The following ST6GAL1 variants were observed in gnomAD, a reference collection of about 807,000 sequenced individuals.
ST6GAL1 encodes ST6 beta-galactoside alpha-2,6-sialyltransferase 1.
In ST6GAL1, 20 loss-of-function variants were observed where a neutral mutation model predicts 38.0. The ratio of observed to expected loss-of-function variants is 0.53; its 90% confidence interval spans 0.37 to 0.77. ST6GAL1 has a LOEUF of 0.77. Ranked by LOEUF, ST6GAL1 falls within the 30% of genes least tolerant of loss-of-function variation. ST6GAL1 has a pLI of 0.00. For missense variants in ST6GAL1, 432 were observed against 496.4 expected (o/e 0.87, Z 1.23); for synonymous variants, 196 against 188.2 (o/e 1.04, Z -0.34).
intron 2 of ST6GAL1, among the ~76,000 whole-genome samples, chr3:187,022,781 T>G (rs556044024): frequency 6.6e-6 from 1 of 152,340 alleles, no homozygotes; most frequent in Admixed American, 6.5e-5. Context: ...TTAATTTCCT[T>G]CAGAGTCTGC....
intron 4 of ST6GAL1, among the ~76,000 whole-genome samples, chr3:187,044,351 T>C (rs1341612584): frequency 2.0e-5 from 3 of 152,230 alleles, no homozygotes; most frequent in African/African-American, 7.2e-5. Context: ...TCCTTTTTTA[T>C]TTCCTTCATT....
intron 5 of ST6GAL1, 169 bp from the exon 6 acceptor site, chr3:187,072,680 G>T: frequency 1.4e-6 from 1 of 693,812 alleles, no homozygotes; most frequent in Admixed American, 1.8e-5. Context: ...CACAGTGCAG[G>T]CTGGTATCTT....
chr3:187,072,794 G>A, intron 5 of ST6GAL1, 55 bp from the exon 6 acceptor site: 1 of 1,488,424 alleles, frequency 6.7e-7, no homozygotes. Flanking sequence ...ATTACTTCAT[G>A]TCAAACATTT....
intron 2 of ST6GAL1, among the ~76,000 whole-genome samples, chr3:186,984,358 C>T (rs73187790): frequency 0.12 from 18,339 of 152,130 alleles, 1,211 homozygotes; most frequent in East Asian, 0.24. Context: ...CTGGTTGTTC[C>T]TCTGCTCAGC....
At chr3:186,995,757 T>C (rs1171063363) in intron 2 of ST6GAL1, among the ~76,000 whole-genome samples, 2 of 152,058 alleles carry the variant, frequency 1.3e-5, no homozygotes, top group Non-Finnish European at 2.9e-5. Context: ...GGCAGGAGAA[T>C]AGCTTGAGCC....
At chr3:186,935,520 G>T (rs1713919591) in intron 1 of ST6GAL1, among the ~76,000 whole-genome samples, 1 of 152,168 alleles carries the variant, frequency 6.6e-6, no homozygotes, top group Non-Finnish European at 1.5e-5. Context: ...TATTTACTCA[G>T]TAATGGGATT....
At chr3:187,054,630 G>T (rs1016019105) in intron 5 of ST6GAL1, among the ~76,000 whole-genome samples, 2 of 152,160 alleles carry the variant, frequency 1.3e-5, no homozygotes, top group African/African-American at 4.8e-5. Flanking sequence ...AACCAGCCTT[G>T]CATTCCAGGG....
chr3:186,979,077 C>T (rs570089481), intron 2 of ST6GAL1, among the ~76,000 whole-genome samples: 5 of 152,162 alleles, frequency 3.3e-5, no homozygotes, highest in Admixed American at 6.5e-5. Flanking sequence ...ACCTCAGCAG[C>T]AGGAGCTGGG....
intron 2 of ST6GAL1, among the ~76,000 whole-genome samples, chr3:186,988,262 T>G (rs983998774): frequency 3.9e-5 from 6 of 152,140 alleles, no homozygotes; most frequent in Non-Finnish European, 8.8e-5. Context: ...GGTTTACACG[T>G]AGGGCTTCTG....
intron 5 of ST6GAL1, among the ~76,000 whole-genome samples, chr3:187,062,574 TCACACACACACACA>T (rs57175575): frequency 5.6e-5 from 8 of 143,812 alleles, no homozygotes; most frequent in African/African-American, 2.0e-4. Context: ...AATAAGCCAG[TCACACACACACACA>T]CACACACACA....
rs138756236 is a variant in ST6GAL1, at chr3:186,960,082, G to T, written c.-324-3703G>T. ...TTGGCTCAATTTATGAACTTCTTTG[G>T]GTTCCTTGGTTCCTGGTGAGCTCTC... On this transcript the variant is annotated intron_variant, in intron 1 of 7. Coordinates refer to ENST00000169298, the MANE Select transcript of ST6GAL1 (RefSeq NM_173216.2). Among the ~76,000 whole-genome samples, 6 of 152,240 alleles carry T rather than the reference G, an allele frequency of 3.9e-5. No individual in the cohort carries two copies. The East Asian group carries it at 1.2e-3, about 29-fold the overall frequency.
chr3:187,038,372 A>AT lies in ST6GAL1; in HGVS notation c.-182-360dup, dbSNP rs534194969. On this transcript the variant is annotated intron_variant, in intron 2 of 7. Transcript: ENST00000169298. The stretch of plus-strand genomic sequence containing the variant: ...CGGTGTGCGCCATCATGCCTGGCTA[A>AT]TTTTTTTTTTGTATTTTAGTAGAGA... The AT allele has an allele frequency of 6.0e-3, 879 of 147,446 alleles. 13 individuals are homozygous for AT. The highest frequency in any genetic ancestry group is 0.046 in the East Asian group (235 of 5,084). 9.1% of individuals were successfully genotyped at this position (147,446 alleles called of 1,614,324 possible).
At chr3:187,000,477 G>A (rs893912172) in intron 2 of ST6GAL1, among the ~76,000 whole-genome samples, 7 of 151,998 alleles carry the variant, frequency 4.6e-5, no homozygotes, top group African/African-American at 1.7e-4. Flanking sequence ...CAGGAGAATC[G>A]CTTGAACCCG....
intron 2 of ST6GAL1, among the ~76,000 whole-genome samples, chr3:187,022,437 C>G (rs956551297): frequency 1.3e-5 from 2 of 152,210 alleles, no homozygotes; most frequent in East Asian, 1.9e-4. Context: ...CTAACAGTAG[C>G]TGAGAGAGTC....
At chr3:187,051,181 T>A in intron 4 of ST6GAL1, 68 bp from the exon 5 acceptor site, 2 of 1,334,552 alleles carry the variant, frequency 1.5e-6, no homozygotes, top group Non-Finnish European at 2.2e-6. Context: ...CCCCCGCCTC[T>A]CGTCTTTCTC....
intron 2 of ST6GAL1, among the ~76,000 whole-genome samples, chr3:186,997,871 A>T (rs1256159757): frequency 6.6e-6 from 1 of 152,228 alleles, no homozygotes; most frequent in African/African-American, 2.4e-5. Context: ...GTTCTCAGCC[A>T]GTGCTATCTA....
chr3:186,947,278 C>T (rs185041777), intron 1 of ST6GAL1, among the ~76,000 whole-genome samples: 1 of 152,238 alleles, frequency 6.6e-6, no homozygotes, highest in Admixed American at 6.5e-5. Flanking sequence ...GAGATCTGTG[C>T]TTGCTTCAGC....
At chr3:186,981,629 G>A (rs961256868) in intron 2 of ST6GAL1, among the ~76,000 whole-genome samples, 1 of 152,080 alleles carries the variant, frequency 6.6e-6, no homozygotes, top group African/African-American at 2.4e-5. Flanking sequence ...AGCATTCCAA[G>A]TCTTATCTTA....
chr3:186,996,499 C>T (rs1035736069), intron 2 of ST6GAL1: 1 of 152,206 alleles, frequency 6.6e-6, no homozygotes, highest in Non-Finnish European at 1.5e-5. Flanking sequence ...GGAGCTTCTT[C>T]TCTCACAAGC....
Sources: gnomAD v4.1 joint callset for allele counts (sites outside exome capture counted in the v4.1 genomes callset) on GRCh38, gnomAD v4.1.1 for gene constraint, MANE v1.5 for transcripts, NCBI Gene and HGNC (gene_info 2026-07-23, HGNC 2026-07-21) for gene names.